Variants in YTHDF1 observed in about 807,000 individuals in gnomAD.
YTHDF1 encodes the protein YTH domain-containing family protein 1.
Under a neutral mutation model 49.1 loss-of-function variants are expected in YTHDF1, and 16 were observed. The ratio of observed to expected loss-of-function variants is 0.33; its 90% CI spans 0.22 to 0.49. The LOEUF is 0.49. Ranked by LOEUF, YTHDF1 falls within the 20% of genes least tolerant of loss-of-function variation. YTHDF1 has a pLI of 0.99. For missense variants in YTHDF1, 621 were observed against 744.3 expected (o/e 0.83, Z 1.93); for synonymous variants, 313 against 290.1 (o/e 1.08, Z -0.80).
In YTHDF1 at chr20:63,203,873, C is replaced by G; in HGVS notation, c.133-66G>C. On this transcript the variant is annotated intron_variant, in intron 3 of 4. Transcript: ENST00000370339. The surrounding 1 kb of genome is among the most constrained non-coding windows in gnomAD (Gnocchi z 4.4). ...ACGAGATGCTGAGAATGCCAACCGC[C>G]TCTTGCTTAAGCACAGGTGGAGCAA... The G allele has an allele frequency of 6.8e-7, 1 of 1,475,836 alleles. No homozygotes were observed. The highest frequency in any genetic ancestry group is 9.1e-7 in the Non-Finnish European group (1 of 1,096,774). The allele number at this position is 1,475,836 out of a possible 1,614,324, so 91.4% of individuals were successfully genotyped here.
At chr20:63,202,198 G>C (rs915097182) in intron 4 of YTHDF1, 89 bp downstream of exon 4, 2 of 1,496,248 alleles carry the variant, frequency 1.3e-6, no homozygotes, top group South Asian at 2.6e-5. Context: ...CGGCGGACCT[G>C]CCGCATCTGC....
At chr20:63,214,233 A>C in intron 2 of YTHDF1, 1 of 567,762 alleles carries the variant, frequency 1.8e-6, no homozygotes, top group African/African-American at 2.0e-5. Flanking sequence ...ACCAGGGTGA[A>C]AACTGACATG....
intron 2 of YTHDF1, among the ~76,000 whole-genome samples, chr20:63,214,520 G>T (rs2066591802): frequency 6.6e-6 from 1 of 152,150 alleles, no homozygotes; most frequent in African/African-American, 2.4e-5. Flanking sequence ...CAAGGTAGTC[G>T]GGGGACAGCT....
rs2066531935 is a variant in YTHDF1 at position 63,203,833 on chromosome 20, C to T, written c.133-26G>A. Reference sequence around the variant, plus strand: ...CTGCAAAAGCAAACGTGACAAGTTACACCACTTCTACAACACGAGATGCTG... The same window carrying T: ...CTGCAAAAGCAAACGTGACAAGTTATACCACTTCTACAACACGAGATGCTG... On this transcript the variant is annotated intron_variant, in intron 3 of 4. Transcript: ENST00000370339. The surrounding 1 kb of genome is among the most constrained non-coding windows in gnomAD (Gnocchi z 4.4). The T allele has an allele frequency of 6.4e-7, 1 of 1,574,790 alleles. No homozygotes were observed. The highest frequency in any genetic ancestry group is 8.7e-7 in the Non-Finnish European group (1 of 1,155,436).
Position 63,214,705 on chromosome 20 carries a change from C to G in YTHDF1, c.53-762G>C, listed in dbSNP as rs1007599797. On this transcript the variant is annotated intron_variant, in intron 2 of 4. Transcript: ENST00000370339. ...GATTAGCCTTTCCAAAGGAAGCAAT[C>G]AGATAAGCATTTATCTCAGTGAGCA... Among the ~76,000 whole-genome samples the G allele has an allele frequency of 2.6e-5, 4 of 152,196 alleles. No individual in the cohort carries two copies. In the East Asian group the frequency reaches 7.7e-4, roughly 29 times the overall value.
intron 3 of YTHDF1, among the ~76,000 whole-genome samples, chr20:63,209,683 G>A (rs566036179): frequency 3.3e-5 from 5 of 152,114 alleles, no homozygotes; most frequent in Non-Finnish European, 7.3e-5. Context: ...CTGCACTTCC[G>A]CCCAGGTGAG....
rs2066523018 is a variant in YTHDF1, at chr20:63,202,648, T to C, written c.1292A>G (p.Lys431Arg). 1.2e-6 allele frequency: 2 copies of C among 1,613,900 alleles called. No individual in the cohort carries two copies. The highest frequency in any genetic ancestry group is 1.7e-6 in the Non-Finnish European group (2 of 1,180,042). ...GCTGAAGAGCAGGTAGACGGGCCCC[T>C]TGCTGCTCATGCAGCGGAAGGCGCT... The part of the protein sequence containing the change: ...LDSAFRCMSS[K>R]GPVYLLFSVN... Residue 431 changes from lysine to arginine, a missense_variant, in exon 4 of 5, where the codon AAG (lysine) becomes AGG (arginine). This residue lies in a region of YTHDF1 where 151 missense variants were observed against 248.5 expected (regional missense o/e 0.61). Transcript: ENST00000370339.
rs1227630269 is a variant in YTHDF1 at position 63,202,761 on chromosome 20, G to A, written c.1179C>T (p.Ile393=). ...TGTCGTCCTCAGAGTAGCTCTTGAT[G>A]ATGAACACACGCCCGCTTTTCAGAT... ...EWNLKSGRVF[I]IKSYSEDDIH... The change falls in exon 4 of 5, where the codon ATC becomes ATT. Residue 393 remains isoleucine (I), a synonymous_variant. Transcript: ENST00000370339. 6.2e-7 allele frequency: 1 copy of A among 1,614,192 alleles called. No individual in the cohort carries two copies. The highest frequency in any genetic ancestry group is 2.2e-5 in the East Asian group (1 of 44,894).
In YTHDF1 at chr20:63,206,070, G is replaced by A. The variant is rs6090299; in HGVS notation, c.133-2263C>T. 8.5e-3 allele frequency among the ~76,000 whole-genome samples: 1,294 copies of A among 152,318 alleles called. 20 individuals carry two copies. Among genetic ancestry groups the A allele is most frequent in the African/African-American group, 0.028 (1,167 of 41,556 alleles). ...GGTCTGTGCACAGGACTTGCTCCTC[G>A]AGTCACTGGCCGCAGGTGCCTTCAA... On this transcript the variant is annotated intron_variant, in intron 3 of 4. Coordinates refer to ENST00000370339, the MANE Select transcript of YTHDF1 (RefSeq NM_017798.4).
rs528878984 is a variant in YTHDF1 at position 63,212,332 on chromosome 20, G to C, written c.132+1532C>G. 2.0e-5 allele frequency among the ~76,000 whole-genome samples: 3 copies of C among 152,342 alleles called. No individual in the cohort carries two copies. In the East Asian group the frequency reaches 5.8e-4, roughly 29 times the overall value. On this transcript the variant is annotated intron_variant, in intron 3 of 4. Coordinates refer to ENST00000370339, the MANE Select transcript of YTHDF1 (RefSeq NM_017798.4). Reference sequence around the variant, plus strand: ...GATTCGCCAAGTGCAGTAGGAGGGAGGGGGATGAAGGAACATTCTAAGAAG... The same window carrying C: ...GATTCGCCAAGTGCAGTAGGAGGGACGGGGATGAAGGAACATTCTAAGAAG...
intron 4 of YTHDF1, 80 bp downstream of exon 4, chr20:63,202,207 G>A: frequency 6.6e-7 from 1 of 1,516,806 alleles, no homozygotes; most frequent in Non-Finnish European, 8.8e-7. Flanking sequence ...TGCCGCATCT[G>A]CTCACCACCG....
intron 4 of YTHDF1, among the ~76,000 whole-genome samples, chr20:63,197,208 T>C (rs1432226008): frequency 6.6e-6 from 1 of 152,178 alleles, no homozygotes; most frequent in Non-Finnish European, 1.5e-5. Flanking sequence ...ACCAAAATCC[T>C]TCCAACTGGC....
At chr20:63,198,691 A>G (rs753069627) in intron 4 of YTHDF1, among the ~76,000 whole-genome samples, 32 of 152,058 alleles carry the variant, frequency 2.1e-4, no homozygotes, top group Non-Finnish European at 3.5e-4. Context: ...CTCAACAAGC[A>G]TCCAGGAAAT....
At chr20:63,213,327 G>A (rs1186664678) in intron 3 of YTHDF1, among the ~76,000 whole-genome samples, 1 of 152,204 alleles carries the variant, frequency 6.6e-6, no homozygotes, top group Non-Finnish European at 1.5e-5. Flanking sequence ...AGCTACTCCC[G>A]AGGCTGAGGC....
chr20:63,211,114 A>ACACAGGAAC (rs11472791), intron 3 of YTHDF1, among the ~76,000 whole-genome samples: 92,801 of 151,444 alleles, frequency 0.61, 28,489 homozygotes, highest in East Asian at 0.83. Flanking sequence ...TTCACACAAA[A>ACACAGGAAC]CACGGTAGCC....
chr20:63,215,419 T>C (rs1055747897), intron 2 of YTHDF1, among the ~76,000 whole-genome samples, 158 bp downstream of exon 2: 3 of 152,178 alleles, frequency 2.0e-5, no homozygotes, highest in Non-Finnish European at 4.4e-5. Flanking sequence ...GTCTTCGACC[T>C]GTCAAATCTC....
intron 4 of YTHDF1, 133 bp from the exon 5 acceptor site, chr20:63,196,867 A>G: frequency 1.1e-6 from 1 of 947,476 alleles, no homozygotes; most frequent in Non-Finnish European, 1.6e-6. Flanking sequence ...TACCCAAGCC[A>G]CACCAGCACA....
At chr20:63,197,412 A>G (rs1355387010) in intron 4 of YTHDF1, among the ~76,000 whole-genome samples, 1 of 152,216 alleles carries the variant, frequency 6.6e-6, no homozygotes, top group Non-Finnish European at 1.5e-5. Context: ...CCGTAAGAGA[A>G]TCATCTTTTC....
chr20:63,205,378 T>G (rs1456328839), intron 3 of YTHDF1, among the ~76,000 whole-genome samples: 1 of 152,192 alleles, frequency 6.6e-6, no homozygotes, highest in Non-Finnish European at 1.5e-5. Context: ...GGTGGACTAA[T>G]GAACCAATGA....
Sources: gnomAD v4.1 joint callset for allele counts (sites outside exome capture counted in the v4.1 genomes callset) on GRCh38, gnomAD v4.1.1 for gene constraint, gnomAD v4.1.1 regional missense constraint, Gnocchi (gnomAD v3.1) non-coding constraint, MANE v1.5 for transcripts, NCBI Gene and HGNC (gene_info 2026-07-23, HGNC 2026-07-21) for gene names.